NEBL: variants seen among roughly 807,000 people sequenced by gnomAD.
NEBL encodes the protein LIM and SH3 protein 2.
In NEBL, 122 loss-of-function variants were observed where a neutral mutation model predicts 140.2. The ratio of observed to expected loss-of-function variants is 0.87; its 90% CI spans 0.75 to 1.01. The LOEUF (loss-of-function observed/expected upper bound fraction) is 1.01. Among genes scored for constraint, NEBL ranks in the 50% least tolerant of loss-of-function variants. The pLI is 0.00. For missense variants in NEBL, 1,365 were observed against 1,231.3 expected, an observed-to-expected ratio of 1.11 and a Z score of -1.62; for synonymous variants, 436 against 398.9, an observed-to-expected ratio of 1.09 and a Z score of -1.11.
chr10:21,098,546 A>C (rs2131983970), intron 2 of NEBL, among the ~76,000 whole-genome samples: 1 of 152,332 alleles, frequency 6.6e-6, no homozygotes, highest in South Asian at 2.1e-4. Context: ...GCCATTCTGG[A>C]CATCTTACTG....
intron 4 of NEBL, among the ~76,000 whole-genome samples, chr10:20,959,242 CA>C (rs1214175322): frequency 1.3e-5 from 2 of 152,096 alleles, no homozygotes; most frequent in Non-Finnish European, 2.9e-5. Flanking sequence ...ACTTGGCACT[CA>C]AATGCAAGAC....
In NEBL at chr10:20,960,176, T is replaced by C. The variant is rs563404736; in HGVS notation, c.357+1496A>G. ...TTCTTTTTGAAATAAAATTCAGTGA[T>C]TGTTGAAGATGTATAATATAACTGT... On this transcript the variant is annotated intron_variant, in intron 4 of 6. Transcript: ENST00000417816. 7.2e-5 allele frequency among the ~76,000 whole-genome samples: 11 copies of C among 152,230 alleles called. 1 individual carries two copies. In the South Asian group the frequency reaches 2.3e-3, roughly 32 times the overall value.
At chr10:21,124,915 A>G (rs1267538460) in intron 2 of NEBL, among the ~76,000 whole-genome samples, 1 of 152,242 alleles carries the variant, frequency 6.6e-6, no homozygotes, top group Non-Finnish European at 1.5e-5. Flanking sequence ...AGTTACGATC[A>G]CAGGACTGTA....
intron 21 of NEBL, among the ~76,000 whole-genome samples, chr10:20,816,980 T>C (rs1838782339): frequency 2.0e-5 from 3 of 151,766 alleles, no homozygotes; most frequent in South Asian, 2.1e-4. Flanking sequence ...GGAGGGAAAA[T>C]GTTTGTTTGT....
At chr10:21,113,893 TG>T (rs1425582203) in intron 2 of NEBL, among the ~76,000 whole-genome samples, 1 of 152,100 alleles carries the variant, frequency 6.6e-6, no homozygotes, top group East Asian at 1.9e-4. Context: ...CTATTATTTT[TG>T]TTTTTTATGA....
chr10:20,913,411 C>G (rs1848411924), intron 4 of NEBL, among the ~76,000 whole-genome samples: 1 of 152,120 alleles, frequency 6.6e-6, no homozygotes, highest in South Asian at 2.1e-4. Flanking sequence ...TCTCAAAAAC[C>G]AGACCACTTT....
upstream of NEBL, among the ~76,000 whole-genome samples, chr10:21,177,794 C>T (rs1429310710): frequency 6.6e-6 from 1 of 152,166 alleles, no homozygotes; most frequent in African/African-American, 2.4e-5. Context: ...TCCCAAAGTG[C>T]TGGGATTACA....
chr10:21,223,910 T>C (rs952940198), intron 3 of NEBL, among the ~76,000 whole-genome samples: 1 of 152,206 alleles, frequency 6.6e-6, no homozygotes, highest in Non-Finnish European at 1.5e-5. Context: ...TGTTTTGAGC[T>C]CCTTATATAT....
intron 4 of NEBL, among the ~76,000 whole-genome samples, chr10:20,946,490 C>T (rs751557909): frequency 1.3e-5 from 2 of 152,106 alleles, no homozygotes; most frequent in Non-Finnish European, 2.9e-5. Flanking sequence ...GAGACAGGAT[C>T]TCGCTCTGTC....
intron 4 of NEBL, among the ~76,000 whole-genome samples, chr10:20,910,187 T>C (rs1005116337): frequency 6.6e-6 from 1 of 152,198 alleles, no homozygotes; most frequent in Non-Finnish European, 1.5e-5. Context: ...TTTTTAAAAA[T>C]TATCTATATA....
chr10:21,003,774 G>A (rs547206712), intron 3 of NEBL, among the ~76,000 whole-genome samples: 1 of 152,236 alleles, frequency 6.6e-6, no homozygotes, highest in Admixed American at 6.5e-5. Flanking sequence ...ATATAATTCT[G>A]CTTTTCATAG....
chr10:21,096,159 A>G (rs1400662923), intron 2 of NEBL, among the ~76,000 whole-genome samples: 2 of 152,206 alleles, frequency 1.3e-5, no homozygotes, highest in East Asian at 3.8e-4. Flanking sequence ...CTTGGAGTGG[A>G]AAAAGCATAC....
chr10:21,039,652 T>C (rs1834179025), intron 2 of NEBL, among the ~76,000 whole-genome samples: 1 of 152,338 alleles, frequency 6.6e-6, no homozygotes, highest in Non-Finnish European at 1.5e-5. Flanking sequence ...AAAACTTTGA[T>C]TGGAGCCCAC....
At chr10:20,904,684 T>C (rs1588986399) in intron 4 of NEBL, among the ~76,000 whole-genome samples, 1 of 152,296 alleles carries the variant, frequency 6.6e-6, no homozygotes, top group East Asian at 1.9e-4. Flanking sequence ...CACACACACA[T>C]GTAACAAGCA....
At chr10:21,167,692 G>C (rs545772454) in intron 2 of NEBL, among the ~76,000 whole-genome samples, 10 of 152,160 alleles carry the variant, frequency 6.6e-5, no homozygotes, top group Admixed American at 2.6e-4. Context: ...TGGTCTTAGG[G>C]TTTATACTCA....
chr10:21,180,486 A>G (rs988635756), intron 3 of NEBL, among the ~76,000 whole-genome samples: 25 of 152,158 alleles, frequency 1.6e-4, no homozygotes, highest in Non-Finnish European at 5.9e-5. Context: ...GGCTTATTTT[A>G]CTTGCAGTCT....
chr10:21,104,913 G>C (rs1243246316), intron 2 of NEBL, among the ~76,000 whole-genome samples: 1 of 152,132 alleles, frequency 6.6e-6, no homozygotes, highest in Non-Finnish European at 1.5e-5. Flanking sequence ...TGCCCAGTTT[G>C]CTCAGAGTTA....
chr10:21,239,045 A>T (rs1331295688), intron 3 of NEBL, among the ~76,000 whole-genome samples: 1 of 152,186 alleles, frequency 6.6e-6, no homozygotes, highest in African/African-American at 2.4e-5. Flanking sequence ...GATAAATTAA[A>T]ACTGCACTAG....
chr10:21,042,042 A>G (rs1268121150), intron 2 of NEBL, among the ~76,000 whole-genome samples: 2 of 152,162 alleles, frequency 1.3e-5, no homozygotes, highest in Non-Finnish European at 2.9e-5. Flanking sequence ...CTGTTTTATC[A>G]GCAGGGTCTT....
Sources: allele counts gnomAD v4.1 joint callset (sites outside exome capture counted in the v4.1 genomes callset), GRCh38; gene constraint gnomAD v4.1.1; transcripts MANE v1.5; gene names NCBI Gene and HGNC (gene_info 2026-07-23, HGNC 2026-07-21).